The following FOCAD variants were observed in gnomAD, a reference collection of about 807,000 sequenced individuals.
FOCAD encodes focadhesin.
Under a neutral mutation model 225.6 loss-of-function variants are expected in FOCAD, and 198 were observed. The ratio of observed to expected loss-of-function variants is 0.88; its 90% confidence interval spans 0.78 to 0.99. The LOEUF (loss-of-function observed/expected upper bound fraction) is 0.99. FOCAD is among the 50% of genes least tolerant of loss of function. FOCAD has a pLI of 0.00. For synonymous variants in FOCAD, 897 were observed against 755.0 expected, an observed-to-expected ratio of 1.19 and a Z score of -3.08; for missense variants, 2,713 against 2,123.6, an observed-to-expected ratio of 1.28 and a Z score of -5.46.
At chr9:20,772,577 C>T (rs984731337) in intron 8 of FOCAD, among the ~76,000 whole-genome samples, 1 of 151,850 alleles carries the variant, frequency 6.6e-6, no homozygotes, top group Admixed American at 6.6e-5. Flanking sequence ...TGTCATGGAG[C>T]GATGATGTAA....
At chr9:20,812,900 A>C (rs534358331) in intron 11 of FOCAD, among the ~76,000 whole-genome samples, 53 of 152,268 alleles carry the variant, frequency 3.5e-4, no homozygotes, top group African/African-American at 1.3e-3. Context: ...AATCTACCTT[A>C]AAAAATTCTA....
intron 35 of FOCAD, among the ~76,000 whole-genome samples, chr9:20,973,088 G>C (rs189600528): frequency 2.4e-4 from 36 of 150,796 alleles, no homozygotes; most frequent in Non-Finnish European, 4.3e-4. Flanking sequence ...ACCTTCTGCT[G>C]ACTTTGCCTT....
intron 4 of FOCAD, among the ~76,000 whole-genome samples, chr9:20,728,785 C>T (rs1182605187): frequency 1.3e-5 from 2 of 152,100 alleles, no homozygotes; most frequent in Non-Finnish European, 2.9e-5. Context: ...TCTCTTTGGG[C>T]TACCAGTTAC....
chr9:20,958,307 T>TG, intron 35 of FOCAD, among the ~76,000 whole-genome samples: 1 of 151,746 alleles, frequency 6.6e-6, no homozygotes, highest in African/African-American at 2.4e-5. Context: ...AAGACTGCTC[T>TG]CATTTGCATA....
chr9:20,983,483 A>T (rs527389689), intron 39 of FOCAD, among the ~76,000 whole-genome samples: 123 of 151,546 alleles, frequency 8.1e-4, no homozygotes, highest in South Asian at 1.5e-3. Flanking sequence ...GAGGCAGGAG[A>T]ATCGCTTGAA....
rs1189625765 is a variant in FOCAD, at chr9:20,938,992, GAA to G, written c.3408-5628_3408-5627del. On this transcript the variant is annotated intron_variant, in intron 28 of 43. Transcript: ENST00000338382. The stretch of plus-strand genomic sequence containing the variant: ...AATTAAAAATTGAAAAAAAAATACA[GAA>G]AAAAAATTAGCAGGGCGTGGTTGCA... Among the ~76,000 whole-genome samples, 3 of 150,554 alleles carry G rather than the reference GAA, an allele frequency of 2.0e-5. No homozygotes were observed. The East Asian group carries it at 5.8e-4, about 29-fold the overall frequency.
intron 12 of FOCAD, 155 bp from the exon 13 acceptor site, chr9:20,820,169 A>G (rs1349632109): frequency 8.6e-6 from 5 of 578,126 alleles, no homozygotes; most frequent in African/African-American, 1.9e-5. Context: ...AGCCCCTCCA[A>G]CGCTATTTTT....
In FOCAD at chr9:20,659,062, T is replaced by C. The variant is rs181200460; in HGVS notation, c.-78+236T>C. 4.6e-3 allele frequency among the ~76,000 whole-genome samples: 694 copies of C among 152,052 alleles called. 9 individuals are homozygous for C. The highest frequency in any genetic ancestry group is 0.016 in the African/African-American group (669 of 41,476). On this transcript the variant is annotated intron_variant, in intron 2 of 45. Transcript: ENST00000380249. ...GGCAAAACCCCATTTCTACTAAAAA[T>C]TCAAAAAATTAGCTGGCTGTGGTGG...
At chr9:20,883,641 T>C (rs924845373) in intron 20 of FOCAD, among the ~76,000 whole-genome samples, 1 of 152,172 alleles carries the variant, frequency 6.6e-6, no homozygotes, top group Non-Finnish European at 1.5e-5. Context: ...AGTATACTTA[T>C]AAGTAATGGA....
intron 1 of FOCAD, among the ~76,000 whole-genome samples, chr9:20,692,059 G>A (rs895403526): frequency 2.0e-5 from 3 of 152,174 alleles, no homozygotes; most frequent in Admixed American, 6.5e-5. Context: ...CTAAGTATTA[G>A]CTTTAAATAC....
chr9:20,662,610 C>A (rs1821762740), intron 2 of FOCAD, among the ~76,000 whole-genome samples: 2 of 152,194 alleles, frequency 1.3e-5, no homozygotes, highest in Non-Finnish European at 2.9e-5. Flanking sequence ...ATATTTATAC[C>A]TTTTTATTTC....
chr9:20,994,603 C>T (rs930624148), intron 43 of FOCAD, among the ~76,000 whole-genome samples: 10 of 152,210 alleles, frequency 6.6e-5, no homozygotes, highest in Admixed American at 6.5e-4. Context: ...TGCAACAGTG[C>T]TCCCACATAA....
At position 20,821,078 on chromosome 9, in the gene FOCAD, T is replaced by C. The variant is rs763171460; in HGVS notation, c.1793+7T>C. On this transcript the variant is annotated splice_region_variant and intron_variant, in intron 14 of 43. Transcript: ENST00000338382. Reference sequence around the variant, plus strand: ...GAGATATATGTAAGCAGAGGTATGATGTCATTAACTCTTAGGAATGTATAT... The same window carrying C: ...GAGATATATGTAAGCAGAGGTATGACGTCATTAACTCTTAGGAATGTATAT... 6.2e-7 allele frequency: 1 copy of C among 1,611,282 alleles called. No homozygotes were observed. Among genetic ancestry groups the C allele is most frequent in the Non-Finnish European group, 8.5e-7 (1 of 1,178,314 alleles).
At chr9:20,983,214 G>T (rs781344482) in intron 39 of FOCAD, among the ~76,000 whole-genome samples, 5 of 152,164 alleles carry the variant, frequency 3.3e-5, no homozygotes, top group Admixed American at 6.5e-5. Flanking sequence ...CGGAGCCCAG[G>T]AGTCTATGTT....
At chr9:20,979,209 C>G (rs951111093) in intron 37 of FOCAD, among the ~76,000 whole-genome samples, 1 of 152,228 alleles carries the variant, frequency 6.6e-6, no homozygotes, top group African/African-American at 2.4e-5. Context: ...ATGCTGTCAT[C>G]TTTTAATTGT....
chr9:20,707,415 C>A (rs989092606), intron 1 of FOCAD, among the ~76,000 whole-genome samples: 5 of 152,102 alleles, frequency 3.3e-5, no homozygotes, highest in African/African-American at 1.2e-4. Flanking sequence ...GACCCTTGAA[C>A]AATTTGGGGT....
intron 1 of FOCAD, among the ~76,000 whole-genome samples, chr9:20,710,529 G>A (rs1824757932): frequency 6.6e-6 from 1 of 151,816 alleles, no homozygotes. Flanking sequence ...CCCAGAGGTG[G>A]AGGCTGCAGT....
chr9:20,701,871 C>G (rs1823984179), intron 1 of FOCAD, among the ~76,000 whole-genome samples: 1 of 152,118 alleles, frequency 6.6e-6, no homozygotes, highest in East Asian at 1.9e-4. Context: ...TGCTGATAAG[C>G]TGCTTTGGGA....
At chr9:20,819,132 G>A (rs527856607) in intron 11 of FOCAD, among the ~76,000 whole-genome samples, 2 of 152,234 alleles carry the variant, frequency 1.3e-5, no homozygotes, top group Non-Finnish European at 2.9e-5. Flanking sequence ...CTAATTGAAT[G>A]TTTCATTATG....
Sources: allele counts gnomAD v4.1 joint callset (sites outside exome capture counted in the v4.1 genomes callset), GRCh38; gene constraint gnomAD v4.1.1; transcripts MANE v1.5; gene names NCBI Gene and HGNC (gene_info 2026-07-23, HGNC 2026-07-21).